Variants in FLACC1 observed in about 807,000 individuals in gnomAD.
FLACC1 encodes the protein flagellum associated containing coiled-coil domains 1, also known as flagellum-associated coiled-coil domain-containing protein 1.
A neutral mutation model predicts 62.8 loss-of-function variants in FLACC1; 66 were observed. The observed-to-expected ratio is 1.05, with a 90% CI of 0.86 to 1.29. The LOEUF is 1.29. FLACC1 is among the 50% of genes most tolerant of loss of function. The pLI is 0.00. For missense variants in FLACC1, 452 were observed against 489.1 expected (o/e 0.92, Z 0.71); for synonymous variants, 156 against 161.0 (o/e 0.97, Z 0.24).
intron 9 of FLACC1, 114 bp downstream of exon 9, chr2:201,330,356 A>G: frequency 9.5e-7 from 1 of 1,053,166 alleles, no homozygotes; most frequent in Non-Finnish European, 1.4e-6. Context: ...AGGTCTAAGG[A>G]TGCTGGGAAT....
intron 3 of FLACC1, among the ~76,000 whole-genome samples, chr2:201,349,678 G>A (rs1048247079): frequency 2.0e-5 from 3 of 152,194 alleles, no homozygotes; most frequent in African/African-American, 7.2e-5. Flanking sequence ...TGTAAAATGC[G>A]AGTAAAAATT....
intron 9 of FLACC1, among the ~76,000 whole-genome samples, chr2:201,323,993 G>C (rs1311029463): frequency 5.4e-5 from 8 of 147,506 alleles, no homozygotes; most frequent in Non-Finnish European, 9.0e-5. Context: ...GAAGAGAAGA[G>C]TACTTCACAT....
rs1949688132 is a variant in FLACC1, at chr2:201,289,744, C to G, written c.984G>C (p.Glu328Asp). ...EELHAQALIL[E>D]SLNTNLYYTQ... ...TATAGTAGAGGTTTGTGTTCAGTGA[C>G]TCTAGGATAAGGGCTTGTGCATGCA... The change falls in exon 13 of 15, where the codon GAG (glutamate) becomes GAC (aspartate). Residue 328 changes from glutamate (E) to aspartate (D), a missense_variant. Physicochemically the swap from Glu to Asp is conservative, Grantham distance 45. Around this residue, in one of 3 missense-constraint regions of FLACC1, gnomAD observed 301 missense variants for 318.4 expected, o/e 0.95. Transcript: ENST00000392257. 6.2e-7 allele frequency: 1 copy of G among 1,614,058 alleles called. No homozygotes were observed. Among genetic ancestry groups the G allele is most frequent in the Non-Finnish European group, 8.5e-7 (1 of 1,180,034 alleles).
At chr2:201,289,049 C>A (rs1319535915) in intron 14 of FLACC1, among the ~76,000 whole-genome samples, 1 of 152,212 alleles carries the variant, frequency 6.6e-6, no homozygotes, top group East Asian at 1.9e-4. Flanking sequence ...TAAGATGCAG[C>A]TTCAGGTAAC....
At chr2:201,319,471 T>C (rs376373468) in intron 9 of FLACC1, among the ~76,000 whole-genome samples, 51 of 152,040 alleles carry the variant, frequency 3.4e-4, no homozygotes, top group African/African-American at 1.1e-3. Flanking sequence ...TATGACTAAG[T>C]CCTCAAAAGC....
chr2:201,342,313 G>A, intron 7 of FLACC1, 57 bp downstream of exon 7: 3 of 1,570,648 alleles, frequency 1.9e-6, no homozygotes, highest in South Asian at 2.2e-5. Flanking sequence ...ATCCTGCAAA[G>A]GATGCGGGAC....
upstream of FLACC1, among the ~76,000 whole-genome samples, chr2:201,357,860 T>C (rs185995139): frequency 3.4e-3 from 512 of 152,324 alleles, no homozygotes; most frequent in African/African-American, 0.011. Context: ...ACTTGCTTAT[T>C]ACAACCCAGT....
At chr2:201,312,445 C>T (rs1950234226) in intron 9 of FLACC1, among the ~76,000 whole-genome samples, 1 of 152,174 alleles carries the variant, frequency 6.6e-6, no homozygotes, top group African/African-American at 2.4e-5. Context: ...GAAAAACATT[C>T]CATGCTCATG....
At chr2:201,292,239 T>C (rs1018028140) in intron 12 of FLACC1, among the ~76,000 whole-genome samples, 2 of 151,952 alleles carry the variant, frequency 1.3e-5, no homozygotes, top group African/African-American at 4.8e-5. Flanking sequence ...TTCACCAAAA[T>C]TGAAATGAAG....
At chr2:201,339,595 T>C (rs962909204) in intron 7 of FLACC1, among the ~76,000 whole-genome samples, 2 of 152,142 alleles carry the variant, frequency 1.3e-5, no homozygotes, top group Non-Finnish European at 2.9e-5. Context: ...CTTTGGTATA[T>C]TGTATTTCAA....
chr2:201,361,651 G>C (rs984083393), upstream of FLACC1, among the ~76,000 whole-genome samples: 3 of 152,140 alleles, frequency 2.0e-5, no homozygotes, highest in African/African-American at 7.2e-5. Flanking sequence ...TCTAAAGATT[G>C]TTTGAGAGAT....
intron 11 of FLACC1, among the ~76,000 whole-genome samples, chr2:201,303,663 C>T (rs765658277): frequency 1.3e-5 from 2 of 152,188 alleles, no homozygotes; most frequent in African/African-American, 4.8e-5. Flanking sequence ...TGATGAACAT[C>T]GATGCAAAAA....
At position 201,346,696 on chromosome 2, in the gene FLACC1, A is replaced by T; in HGVS notation, c.235-21T>A. ...ACTTCCTAGGCATCAAGGGAAAGTA[A>T]GATAAAATGGCAGACTTGGAGTGCT... On this transcript the variant is annotated intron_variant, in intron 4 of 14. Transcript: ENST00000392257. The surrounding 1 kb of genome is among the most constrained non-coding windows in gnomAD (Gnocchi z 4.0). 1.2e-6 allele frequency: 2 copies of T among 1,613,672 alleles called. No homozygotes were observed. Among genetic ancestry groups the T allele is most frequent in the East Asian group, 2.2e-5 (1 of 44,900 alleles).
Position 201,288,667 on chromosome 2 carries a change from T to C in FLACC1, c.1257A>G (p.Gly419=). The C allele has an allele frequency of 6.2e-7, 1 of 1,613,958 alleles. No homozygotes were observed. Among genetic ancestry groups the C allele is most frequent in the African/African-American group, 1.3e-5 (1 of 75,064 alleles). Residue 419 remains glycine (G), a synonymous_variant, in exon 15 of 15, where the codon GGA becomes GGG. Transcript: ENST00000392257. ...AGCAACTTTTTGTTTATGATTCTTG[T>C]CCTTTCTTGCTACCATCTTGCACAG... is the stretch of plus-strand genomic sequence containing the variant. ...SDTVQDGSKK[G]QES
chr2:201,357,194 C>T lies in FLACC1; in HGVS notation c.-260G>A, dbSNP rs1313170726. 1 of 152,180 alleles carries T rather than the reference C, an allele frequency of 6.6e-6. No individual in the cohort carries two copies. Among genetic ancestry groups the T allele is most frequent in the Non-Finnish European group, 1.5e-5 (1 of 68,040 alleles). The allele number at this position is 152,180 out of a possible 1,614,324, so 9.4% of individuals were successfully genotyped here. A position where few individuals can be genotyped will look rare whatever the true frequency, so the allele number is the denominator to read the frequency against. Reference sequence around the variant, plus strand: ...CGGGAAGACAGACTTCTAGTGAATCCAATCAAAGGCTTTTACAAAGGCTGG... The same window carrying T: ...CGGGAAGACAGACTTCTAGTGAATCTAATCAAAGGCTTTTACAAAGGCTGG... On this transcript the variant is annotated 5_prime_UTR_variant, in exon 1 of 15. Coordinates refer to ENST00000392257, the MANE Select transcript of FLACC1 (RefSeq NM_001127391.3).
intron 7 of FLACC1, among the ~76,000 whole-genome samples, chr2:201,332,094 T>A (rs1353717438): frequency 6.6e-6 from 1 of 152,122 alleles, no homozygotes; most frequent in African/African-American, 2.4e-5. Context: ...AAGAGTGCTG[T>A]CTCTCCACCA....
chr2:201,353,693 T>A (rs564938552), intron 1 of FLACC1, among the ~76,000 whole-genome samples: 3 of 152,320 alleles, frequency 2.0e-5, no homozygotes, highest in African/African-American at 7.2e-5. Flanking sequence ...GTTCAAGCGA[T>A]TCTCCCGCCT....
At chr2:201,327,072 G>A (rs948675152) in intron 9 of FLACC1, among the ~76,000 whole-genome samples, 2 of 152,090 alleles carry the variant, frequency 1.3e-5, no homozygotes, top group Non-Finnish European at 2.9e-5. Context: ...ATAAATTGGG[G>A]AATGATACTT....
At position 201,346,719 on chromosome 2, in the gene FLACC1, G is replaced by T. The variant is rs755850032; in HGVS notation, c.235-44C>A. 7 of 1,611,574 alleles carry T rather than the reference G, an allele frequency of 4.3e-6. No homozygotes were observed. The highest frequency in any genetic ancestry group is 5.9e-6 in the Non-Finnish European group (7 of 1,179,084). On this transcript the variant is annotated intron_variant, in intron 4 of 14. Coordinates refer to ENST00000392257, the MANE Select transcript of FLACC1 (RefSeq NM_001127391.3). The surrounding 1 kb of genome is among the most constrained non-coding windows in gnomAD (Gnocchi z 4.0). ...TAAGATAAAATGGCAGACTTGGAGT[G>T]CTGAGATTTTTCCAAATCTTCTCTT...
Sources: allele counts gnomAD v4.1 joint callset (sites outside exome capture counted in the v4.1 genomes callset), GRCh38; gene constraint gnomAD v4.1.1; regional missense constraint gnomAD v4.1.1; non-coding constraint Gnocchi (gnomAD v3.1); transcripts MANE v1.5; gene names NCBI Gene and HGNC (gene_info 2026-07-23, HGNC 2026-07-21).